CADM2: variants seen among roughly 807,000 people sequenced by gnomAD.
CADM2 encodes cell adhesion molecule 2, also known as immunoglobulin superfamily member 4D.
CADM2 carries 12 observed loss-of-function variants against 49.8 expected under a neutral mutation model. The observed-to-expected ratio is 0.24, with a 90% confidence interval of 0.15 to 0.39. The LOEUF (loss-of-function observed/expected upper bound fraction) is 0.39. Among genes scored for constraint, CADM2 ranks in the 10% least tolerant of loss-of-function variants. The pLI is 1.00. For missense variants in CADM2, 378 were observed against 492.3 expected (o/e 0.77, Z 2.20); for synonymous variants, 214 against 175.4 (o/e 1.22, Z -1.74).
At chr3:85,262,717 T>A (rs2107894566) in intron 1 of CADM2, among the ~76,000 whole-genome samples, 2 of 152,242 alleles carry the variant, frequency 1.3e-5, no homozygotes, top group Non-Finnish European at 2.9e-5. Flanking sequence ...AGAAACATCC[T>A]GATATCCAGG....
chr3:85,140,560 G>T (rs2039547438), intron 1 of CADM2, among the ~76,000 whole-genome samples: 1 of 152,114 alleles, frequency 6.6e-6, no homozygotes. Flanking sequence ...TAACATGCCT[G>T]GAAATGTTCC....
intron 8 of CADM2, among the ~76,000 whole-genome samples, chr3:86,042,954 T>A (rs1736149018): frequency 6.6e-6 from 1 of 152,116 alleles, no homozygotes; most frequent in Non-Finnish European, 1.5e-5. Context: ...TAATCCAGCA[T>A]ATAAACAGAA....
At chr3:85,272,173 A>G (rs1467163910) in intron 1 of CADM2, among the ~76,000 whole-genome samples, 2 of 151,166 alleles carry the variant, frequency 1.3e-5, no homozygotes, top group African/African-American at 4.8e-5. Flanking sequence ...ACAGAGTCCA[A>G]GCCAAAATGG....
intron 1 of CADM2, among the ~76,000 whole-genome samples, chr3:85,261,143 T>C (rs1438980945): frequency 6.6e-6 from 1 of 152,140 alleles, no homozygotes; most frequent in East Asian, 1.9e-4. Flanking sequence ...TCTATTTATT[T>C]ATTTATTTTT....
intron 1 of CADM2, among the ~76,000 whole-genome samples, chr3:85,068,257 T>G (rs2107464995): frequency 6.6e-6 from 1 of 152,284 alleles, no homozygotes; most frequent in African/African-American, 2.4e-5. Context: ...TTCATCAATC[T>G]ATCTGTTAGT....
At chr3:85,977,585 A>G (rs1577842928) in intron 8 of CADM2, among the ~76,000 whole-genome samples, 1 of 151,600 alleles carries the variant, frequency 6.6e-6, no homozygotes, top group Admixed American at 6.6e-5. Context: ...CAGTCTGCCT[A>G]AACTGTTTAA....
At chr3:85,456,043 C>T (rs764358123) in intron 1 of CADM2, among the ~76,000 whole-genome samples, 1 of 152,192 alleles carries the variant, frequency 6.6e-6, no homozygotes, top group Admixed American at 6.5e-5. Flanking sequence ...GAGTCTGAGT[C>T]TAACTTTTGA....
chr3:85,748,825 T>G (rs551640045), intron 2 of CADM2, among the ~76,000 whole-genome samples: 3 of 152,264 alleles, frequency 2.0e-5, no homozygotes, highest in South Asian at 2.1e-4. Context: ...ACTAGTCATC[T>G]GTAAGTATTC....
At chr3:84,968,410 C>G (rs2031172208) in intron 1 of CADM2, among the ~76,000 whole-genome samples, 1 of 152,002 alleles carries the variant, frequency 6.6e-6, no homozygotes, top group Non-Finnish European at 1.5e-5. Flanking sequence ...CATTTCAAAG[C>G]CTTTTCAGGG....
At chr3:85,410,064 G>T (rs554621635) in intron 1 of CADM2, among the ~76,000 whole-genome samples, 1 of 152,070 alleles carries the variant, frequency 6.6e-6, no homozygotes, top group South Asian at 2.1e-4. Flanking sequence ...TTAATCATTA[G>T]TTCTTGATAC....
Position 85,359,666 on chromosome 3 carries a change from A to ATATATTTTT in CADM2, c.62-366855_62-366854insATATTTTTT. Among the ~76,000 whole-genome samples, 36 of 26,548 alleles carry ATATATTTTT rather than the reference A, an allele frequency of 1.4e-3. 4 individuals carry two copies. Among genetic ancestry groups the ATATATTTTT allele is most frequent in the South Asian group, 4.2e-3 (3 of 706 alleles). 17.4% of individuals were successfully genotyped at this position (26,548 alleles called of 152,430 possible). On this transcript the variant is annotated intron_variant, in intron 1 of 9. Transcript: ENST00000383699. ...TATATATATATATATATATATATAT[A>ATATATTTTT]TTTTTTTTTTTGGTGGAGGGGAGAA...
At chr3:85,778,614 CAACCATGCAG>C (rs1203113217) in intron 2 of CADM2, among the ~76,000 whole-genome samples, 1 of 152,182 alleles carries the variant, frequency 6.6e-6, no homozygotes, top group African/African-American at 2.4e-5. Flanking sequence ...TGAGGCCTCT[CAACCATGCAG>C]AACTGTGAGT....
At chr3:84,989,923 GA>G (rs1022514268) in intron 1 of CADM2, among the ~76,000 whole-genome samples, 5 of 151,662 alleles carry the variant, frequency 3.3e-5, no homozygotes, top group African/African-American at 7.3e-5. Context: ...TGCAGTAAAA[GA>G]AAAAAGTTAT....
chr3:85,734,410 A>G (rs1050777015), intron 2 of CADM2, among the ~76,000 whole-genome samples: 1 of 151,928 alleles, frequency 6.6e-6, no homozygotes, highest in Non-Finnish European at 1.5e-5. Context: ...GAGACTGTAT[A>G]TGAATCCTGC....
At chr3:85,287,523 G>A (rs991220705) in intron 1 of CADM2, among the ~76,000 whole-genome samples, 4 of 151,670 alleles carry the variant, frequency 2.6e-5, no homozygotes, top group Admixed American at 2.6e-4. Flanking sequence ...TCATTCCCTT[G>A]TGAAAATCAA....
At chr3:84,967,006 C>G (rs1251312913) in intron 1 of CADM2, among the ~76,000 whole-genome samples, 1 of 151,756 alleles carries the variant, frequency 6.6e-6, no homozygotes, top group East Asian at 1.9e-4. Flanking sequence ...AAAACAAAGT[C>G]CTTTAAAAAG....
intron 8 of CADM2, among the ~76,000 whole-genome samples, chr3:85,974,457 A>T (rs1323361561): frequency 6.6e-6 from 1 of 151,648 alleles, no homozygotes; most frequent in African/African-American, 2.4e-5. Flanking sequence ...CCTATGAGGA[A>T]CTCTAGCCCC....
At chr3:85,980,279 A>G (rs1380345909) in intron 8 of CADM2, among the ~76,000 whole-genome samples, 1 of 151,484 alleles carries the variant, frequency 6.6e-6, no homozygotes, top group African/African-American at 2.4e-5. Flanking sequence ...GTTTAGCATT[A>G]TTATTCATAA....
chr3:85,465,440 A>G (rs892983798), intron 1 of CADM2, among the ~76,000 whole-genome samples: 13 of 152,170 alleles, frequency 8.5e-5, no homozygotes, highest in African/African-American at 2.9e-4. Flanking sequence ...GTCAACGAAC[A>G]CATATTATGT....
Sources: allele counts gnomAD v4.1 joint callset (sites outside exome capture counted in the v4.1 genomes callset), GRCh38; gene constraint gnomAD v4.1.1; transcripts MANE v1.5; gene names NCBI Gene and HGNC (gene_info 2026-07-23, HGNC 2026-07-21).